The following BCL11B variants were observed in gnomAD, a reference collection of about 807,000 sequenced individuals.
The protein encoded by BCL11B is B-cell lymphoma/leukemia 11B.
A neutral mutation model predicts 49.9 loss-of-function variants in BCL11B; 8 were observed. The ratio of observed to expected loss-of-function variants is 0.16; its 90% CI spans 0.09 to 0.29. BCL11B has a LOEUF of 0.29. BCL11B is among the 10% of genes least tolerant of loss of function. The pLI, the probability that BCL11B is intolerant of heterozygous loss-of-function variation, is 1.00. For missense variants in BCL11B, 1,006 were observed against 1,351.0 expected, an observed-to-expected ratio of 0.74 and a Z score of 4.00; for synonymous variants, 739 against 637.4, an observed-to-expected ratio of 1.16 and a Z score of -2.40.
rs1371153246 is a variant in BCL11B at position 99,171,836 on chromosome 14, A to T, written c.*2315T>A. 1 of 206,470 alleles carries T rather than the reference A, an allele frequency of 4.8e-6. No individual in the cohort carries two copies. Among genetic ancestry groups the T allele is most frequent in the Non-Finnish European group, 9.9e-6 (1 of 100,986 alleles). 12.8% of individuals were successfully genotyped at this position (206,470 alleles called of 1,614,324 possible). On this transcript the variant is annotated 3_prime_UTR_variant, in exon 4 of 4. Transcript: ENST00000357195. ...AGACCCACCATTTAAATTTTACTGC[A>T]ACATTTTCAAGGAAAAGAAAAGGGT...
At chr14:99,240,592 G>A (rs1371725155) in intron 2 of BCL11B, among the ~76,000 whole-genome samples, 3 of 152,244 alleles carry the variant, frequency 2.0e-5, no homozygotes, top group Middle Eastern at 3.4e-3. Context: ...TATACATATC[G>A]TAAGCCTTCT....
intron 1 of BCL11B, among the ~76,000 whole-genome samples, chr14:99,268,546 C>T (rs1310833994): frequency 6.6e-6 from 1 of 152,122 alleles, no homozygotes; most frequent in Non-Finnish European, 1.5e-5. Context: ...CCTGAGTCCA[C>T]GGCTCCTGCA....
At chr14:99,235,886 G>C (rs755335527) in intron 2 of BCL11B, among the ~76,000 whole-genome samples, 2 of 98,722 alleles carry the variant, frequency 2.0e-5, no homozygotes, top group Non-Finnish European at 4.6e-5. Flanking sequence ...ATAGGAGAAG[G>C]GGGAAAAAAT....
chr14:99,205,406 T>C lies in BCL11B; in HGVS notation c.640+25939A>G. On this transcript the variant is annotated intron_variant, in intron 3 of 3. Transcript: ENST00000357195. The surrounding 1 kb of genome is among the most constrained non-coding windows in gnomAD (Gnocchi z 5.0). The stretch of plus-strand genomic sequence containing the variant: ...CACAAGTTTGACGGTTTGGGAAAAT[T>C]CGCGGACTCTCCCAAAGCCTGCATC... Among the ~76,000 whole-genome samples the C allele has an allele frequency of 6.6e-6, 1 of 152,112 alleles. No individual in the cohort carries two copies. Among genetic ancestry groups the C allele is most frequent in the East Asian group, 1.9e-4 (1 of 5,168 alleles).
chr14:99,234,066 C>A (rs1209692019), intron 2 of BCL11B, among the ~76,000 whole-genome samples: 1 of 152,070 alleles, frequency 6.6e-6, no homozygotes. Context: ...TGAAAGGAGC[C>A]ACCTACGGCA....
chr14:99,232,362 G>A lies in BCL11B; in HGVS notation c.428-805C>T, dbSNP rs1025233548. 2.0e-5 allele frequency among the ~76,000 whole-genome samples: 3 copies of A among 152,372 alleles called. No homozygotes were observed. Among genetic ancestry groups the A allele is most frequent in the Non-Finnish European group, 2.9e-5 (2 of 68,034 alleles). ...AGCAAGGCCTGCATTTGATTTAGCC[G>A]TTTATCTTAAATGGCTAAGAGACCA... On this transcript the variant is annotated intron_variant, in intron 2 of 3. Coordinates refer to ENST00000357195, the MANE Select transcript of BCL11B (RefSeq NM_138576.4). This position sits in a 1 kb window ranked among gnomAD's most constrained non-coding sequence, Gnocchi z 5.1.
chr14:99,173,720 C>G lies in BCL11B; in HGVS notation c.*431G>C. 4.3e-6 allele frequency: 1 copy of G among 235,132 alleles called. No homozygotes were observed. The highest frequency in any genetic ancestry group is 8.4e-6 in the Non-Finnish European group (1 of 119,560). The allele number at this position is 235,132 out of a possible 1,614,324, so 14.6% of individuals were successfully genotyped here. A position where few individuals can be genotyped will look rare whatever the true frequency, so the allele number is the denominator to read the frequency against. Reference sequence around the variant, plus strand: ...TAGCTTAAATTTCAAAAAAGCAGCACCACCCCTCCCCCCAAATTATAATTT... The same window carrying G: ...TAGCTTAAATTTCAAAAAAGCAGCAGCACCCCTCCCCCCAAATTATAATTT... On this transcript the variant is annotated 3_prime_UTR_variant, in exon 4 of 4. Coordinates refer to ENST00000357195, the MANE Select transcript of BCL11B (RefSeq NM_138576.4).
intron 3 of BCL11B, among the ~76,000 whole-genome samples, chr14:99,225,075 C>T (rs1360702861): frequency 6.6e-6 from 1 of 152,210 alleles, no homozygotes; most frequent in East Asian, 1.9e-4. Flanking sequence ...TGCTACCAAT[C>T]TCATTGCAGG....
At position 99,262,430 on chromosome 14, in the gene BCL11B, A is replaced by G. The variant is rs756700803; in HGVS notation, c.59-4591T>C. ...TCCAACTCTCTTATCTTTAATGGCT[A>G]AGCTACAGTCCAGGAGAAACATACA... On this transcript the variant is annotated intron_variant, in intron 1 of 3. Transcript: ENST00000357195. This position sits in a 1 kb window ranked among gnomAD's most constrained non-coding sequence, Gnocchi z 4.2. 2.0e-5 allele frequency among the ~76,000 whole-genome samples: 3 copies of G among 152,192 alleles called. No homozygotes were observed. Among genetic ancestry groups the G allele is most frequent in the Non-Finnish European group, 4.4e-5 (3 of 68,030 alleles).
At chr14:99,250,750 A>G (rs1888984956) in intron 2 of BCL11B, among the ~76,000 whole-genome samples, 1 of 152,298 alleles carries the variant, frequency 6.6e-6, no homozygotes, top group African/African-American at 2.4e-5. Flanking sequence ...ACCCCTTGGG[A>G]GCCCAGCTGC....
Position 99,253,192 on chromosome 14 carries a change from C to T in BCL11B, c.427+4279G>A, listed in dbSNP as rs573695161. Among the ~76,000 whole-genome samples, 8 of 152,324 alleles carry T rather than the reference C, an allele frequency of 5.3e-5. No homozygotes were observed. The East Asian group carries it at 1.2e-3, about 22-fold the overall frequency. On this transcript the variant is annotated intron_variant, in intron 2 of 3. Transcript: ENST00000357195. ...TGAGTGATGGGGCTGGGATTCCACC[C>T]GGGAGATGCCAAAGCCTGTGCTCCC...
intron 3 of BCL11B, among the ~76,000 whole-genome samples, chr14:99,214,288 C>T (rs1308559248): frequency 6.6e-6 from 1 of 152,108 alleles, no homozygotes; most frequent in African/African-American, 2.4e-5. Context: ...TGTGGTGGCT[C>T]ATGTCTGTAA....
chr14:99,199,681 TGTGCGCGCGCGCGC>T (rs1887300137), intron 3 of BCL11B, among the ~76,000 whole-genome samples: 27 of 71,084 alleles, frequency 3.8e-4, no homozygotes, highest in Admixed American at 1.5e-4. Flanking sequence ...TGTGTGTGTG[TGTGCGCGCGCGCGC>T]GCACGTGCAC....
intron 3 of BCL11B, among the ~76,000 whole-genome samples, chr14:99,181,834 C>A (rs923391833): frequency 6.6e-6 from 1 of 152,176 alleles, no homozygotes; most frequent in Admixed American, 6.5e-5. Flanking sequence ...TTCAGGGTAC[C>A]CAGTACCCAA....
chr14:99,250,959 T>C (rs1888992274), intron 2 of BCL11B, among the ~76,000 whole-genome samples: 1 of 152,128 alleles, frequency 6.6e-6, no homozygotes, highest in Non-Finnish European at 1.5e-5. Flanking sequence ...GATGTCACCA[T>C]GTTAGCGGCA....
intron 1 of BCL11B, among the ~76,000 whole-genome samples, chr14:99,258,671 A>C (rs1389476064): frequency 2.0e-5 from 3 of 152,194 alleles, no homozygotes; most frequent in Admixed American, 6.5e-5. Flanking sequence ...TCTCCTGCCA[A>C]GCACCCGAGG....
chr14:99,187,402 C>T (rs572745462), intron 3 of BCL11B, among the ~76,000 whole-genome samples: 35 of 152,234 alleles, frequency 2.3e-4, no homozygotes, highest in African/African-American at 8.4e-4. Context: ...ATAAAGAATG[C>T]GTTGTCAGAG....
intron 3 of BCL11B, among the ~76,000 whole-genome samples, chr14:99,222,882 C>T (rs897092728): frequency 2.0e-5 from 3 of 151,444 alleles, no homozygotes; most frequent in African/African-American, 7.3e-5. Context: ...TCCTTTCTTT[C>T]CTTTCTTTCT....
intron 1 of BCL11B, among the ~76,000 whole-genome samples, chr14:99,268,067 G>A (rs548410326): frequency 6.6e-6 from 1 of 152,132 alleles, no homozygotes; most frequent in South Asian, 2.1e-4. Context: ...GTGTTGTTTT[G>A]TGTTTGTTTT....
Sources: allele counts gnomAD v4.1 joint callset (sites outside exome capture counted in the v4.1 genomes callset), GRCh38; gene constraint gnomAD v4.1.1; non-coding constraint Gnocchi (gnomAD v3.1); transcripts MANE v1.5; gene names NCBI Gene and HGNC (gene_info 2026-07-23, HGNC 2026-07-21).